Variants in JMJD1C observed in about 807,000 individuals in gnomAD.
The protein encoded by JMJD1C is jumonji domain containing 1C, also known as jumonji domain-containing protein 1C.
In JMJD1C, 31 loss-of-function variants were observed where a neutral mutation model predicts 245.3. That is an observed-to-expected ratio of 0.13 (90% confidence interval 0.09 to 0.17). The LOEUF (loss-of-function observed/expected upper bound fraction) is 0.17. JMJD1C is among the 10% of genes least tolerant of loss of function. The pLI is 1.00. For missense variants in JMJD1C, 2,691 were observed against 3,000.2 expected, an observed-to-expected ratio of 0.90 and a Z score of 2.41; for synonymous variants, 1,057 against 1,017.4, an observed-to-expected ratio of 1.04 and a Z score of -0.74.
In JMJD1C at chr10:63,207,271, A is replaced by G; in HGVS notation, c.4398T>C (p.Val1466=). ...VTLASSKTGS[V]VQPSSGFSGT... ...CTGAGAACCCAGAACTGGGTTGAAC[A>G]ACACTTCCTGTCTTACTACTGGCTA... The change falls in exon 10 of 26, where the codon GTT becomes GTC. Residue 1466 remains valine (V), a synonymous_variant. Coordinates refer to ENST00000399262, the MANE Select transcript of JMJD1C (RefSeq NM_032776.3). 1.2e-6 allele frequency: 2 copies of G among 1,613,930 alleles called. No individual in the cohort carries two copies. Among genetic ancestry groups the G allele is most frequent in the Non-Finnish European group, 1.7e-6 (2 of 1,180,020 alleles).
chr10:63,207,726 T>C lies in JMJD1C; in HGVS notation c.3943A>G (p.Thr1315Ala). 6.2e-7 allele frequency: 1 copy of C among 1,614,170 alleles called. No individual in the cohort carries two copies. Among genetic ancestry groups the C allele is most frequent in the East Asian group, 2.2e-5 (1 of 44,888 alleles). ...VIVRPSSSTK[T>A]DSMPAMQLAS... ...AACTGCATTGCTGGCATACTATCAG[T>C]TTTTGTACTAGAAGATGGACGCACA... Residue 1315 changes from threonine (T) to alanine (A), a missense_variant, in exon 10 of 26, where the codon ACT becomes GCT. Physicochemically the swap from Thr to Ala is moderately conservative, Grantham distance 58. Coordinates refer to ENST00000399262, the MANE Select transcript of JMJD1C (RefSeq NM_032776.3).
intron 2 of JMJD1C, among the ~76,000 whole-genome samples, chr10:63,370,522 A>G (rs774527034): frequency 6.6e-6 from 1 of 152,228 alleles, no homozygotes; most frequent in Non-Finnish European, 1.5e-5. Flanking sequence ...AATATGCCAC[A>G]AAGTCTATGT....
intron 1 of JMJD1C, chr10:63,427,617 G>A (rs1209465837): frequency 2.8e-5 from 39 of 1,392,124 alleles, no homozygotes; most frequent in Admixed American, 1.4e-4. Context: ...GGCTGATGGT[G>A]GTGGAGAAAC....
intron 1 of JMJD1C, among the ~76,000 whole-genome samples, chr10:63,494,733 T>C (rs1025383906): frequency 3.9e-5 from 6 of 152,204 alleles, no homozygotes; most frequent in Non-Finnish European, 8.8e-5. Flanking sequence ...TATTGTATTA[T>C]TACTGACAGA....
At chr10:63,514,762 C>T (rs1272226271) in intron 1 of JMJD1C, among the ~76,000 whole-genome samples, 8 of 151,760 alleles carry the variant, frequency 5.3e-5, no homozygotes, top group Admixed American at 3.9e-4. Flanking sequence ...ACATGTACCC[C>T]AGAATCTAAA....
intron 1 of JMJD1C, chr10:63,521,612 G>C: frequency 1.4e-6 from 2 of 1,381,916 alleles, no homozygotes; most frequent in Admixed American, 2.7e-5. Context: ...CAGCCGGCGC[G>C]AGGCCCAGGG....
At chr10:63,205,069 T>C (rs1846437822) in intron 10 of JMJD1C, 2 of 966,482 alleles carry the variant, frequency 2.1e-6, no homozygotes, top group South Asian at 9.6e-5. Flanking sequence ...AAACTACTAC[T>C]AGAGTAAAAT....
intron 24 of JMJD1C, among the ~76,000 whole-genome samples, chr10:63,173,252 T>C (rs771909949): frequency 1.4e-4 from 22 of 152,238 alleles, no homozygotes; most frequent in Non-Finnish European, 2.5e-4. Flanking sequence ...CTCCATACTA[T>C]GCACTACATA....
chr10:63,405,260 C>T (rs544989460), intron 1 of JMJD1C, among the ~76,000 whole-genome samples: 5 of 151,586 alleles, frequency 3.3e-5, no homozygotes, highest in Non-Finnish European at 7.4e-5. Flanking sequence ...TGTTACACAG[C>T]TAATACATGG....
At chr10:63,392,967 C>T (rs1278837221) in intron 1 of JMJD1C, among the ~76,000 whole-genome samples, 3 of 149,050 alleles carry the variant, frequency 2.0e-5, no homozygotes, top group African/African-American at 5.0e-5. Context: ...CAGCCAACAC[C>T]GTATATGAAA....
In JMJD1C at chr10:63,377,918, T is replaced by C. The variant is rs1391849014; in HGVS notation, c.333+2400A>G. ...GTCTAAATAAATAAAATAAATAGTA[T>C]GGCAAAAAAAAAAAAGGAACCAGAG... On this transcript the variant is annotated intron_variant, in intron 2 of 25. Coordinates refer to ENST00000399262, the MANE Select transcript of JMJD1C (RefSeq NM_032776.3). Among the ~76,000 whole-genome samples the C allele has an allele frequency of 1.9e-4, 3 of 15,924 alleles. No individual in the cohort carries two copies. The East Asian group carries it at 0.013, about 67-fold the overall frequency. 10.4% of individuals were successfully genotyped at this position (15,924 alleles called of 152,430 possible). A position where few individuals can be genotyped will look rare whatever the true frequency, so the allele number is the denominator to read the frequency against.
At chr10:63,325,483 A>C (rs1362036619) in intron 2 of JMJD1C, among the ~76,000 whole-genome samples, 1 of 152,158 alleles carries the variant, frequency 6.6e-6, no homozygotes, top group Non-Finnish European at 1.5e-5. Context: ...CTGAGACCAC[A>C]GGCACACACC....
chr10:63,292,135 T>A (rs907487901), intron 2 of JMJD1C, among the ~76,000 whole-genome samples: 1 of 150,402 alleles, frequency 6.6e-6, no homozygotes, highest in Non-Finnish European at 1.5e-5. Flanking sequence ...TTAGTTTCTG[T>A]AGAGACAGAT....
chr10:63,224,269 C>T (rs1334693866), intron 3 of JMJD1C, among the ~76,000 whole-genome samples: 1 of 152,092 alleles, frequency 6.6e-6, no homozygotes, highest in Non-Finnish European at 1.5e-5. Flanking sequence ...TAATATTTCC[C>T]TCTTTTTCTA....
rs776050827 is a variant in JMJD1C, at chr10:63,208,662, G to C, written c.3007C>G (p.Gln1003Glu). The C allele has an allele frequency of 1.9e-6, 3 of 1,614,032 alleles. No homozygotes were observed. Among genetic ancestry groups the C allele is most frequent in the African/African-American group, 2.7e-5 (2 of 75,026 alleles). The stretch of plus-strand genomic sequence containing the variant: ...GTCTCCTGGGGTGGCCTCTGTAACT[G>C]ATTTAATACTGGATCCACAAAATGC... Reference protein sequence around the residue: ...HRHFVDPVLNQLQRPPQETGE... With the variant: ...HRHFVDPVLNELQRPPQETGE... Residue 1003 changes from glutamine to glutamate, a missense_variant, in exon 10 of 26, where the codon CAG (glutamine) becomes GAG (glutamate). Transcript: ENST00000399262.
At chr10:63,343,447 G>A (rs935748185) in intron 2 of JMJD1C, among the ~76,000 whole-genome samples, 1 of 151,810 alleles carries the variant, frequency 6.6e-6, no homozygotes, top group Admixed American at 6.6e-5. Context: ...TAGGTTGGCT[G>A]GTGACTTCAT....
At chr10:63,317,740 A>G (rs1323078867) in intron 2 of JMJD1C, among the ~76,000 whole-genome samples, 1 of 152,216 alleles carries the variant, frequency 6.6e-6, no homozygotes, top group Admixed American at 6.5e-5. Context: ...ATCATTCCAA[A>G]GGCCACTGAA....
At chr10:63,374,670 C>T (rs1946579513) in intron 2 of JMJD1C, among the ~76,000 whole-genome samples, 1 of 152,108 alleles carries the variant, frequency 6.6e-6, no homozygotes, top group Admixed American at 6.6e-5. Flanking sequence ...TTATAATGCT[C>T]CCTAGAACTG....
rs539806249 is a variant in JMJD1C at position 63,246,633 on chromosome 10, A to G, written c.447+18018T>C. 2.4e-4 allele frequency among the ~76,000 whole-genome samples: 36 copies of G among 152,266 alleles called. No homozygotes were observed. In the South Asian group the frequency reaches 2.9e-3, roughly 12 times the overall value. On this transcript the variant is annotated intron_variant, in intron 3 of 25. Transcript: ENST00000399262. ...AAAGAAAAACAAATAATGTACAAAAAAGAAAATATTTAAAAATATAAAAGC... is the reference window on the plus strand; with the variant it reads ...AAAGAAAAACAAATAATGTACAAAAGAGAAAATATTTAAAAATATAAAAGC...
Sources: gnomAD v4.1 joint callset for allele counts (sites outside exome capture counted in the v4.1 genomes callset) on GRCh38, gnomAD v4.1.1 for gene constraint, MANE v1.5 for transcripts, NCBI Gene and HGNC (gene_info 2026-07-23, HGNC 2026-07-21) for gene names.